PPP1R12B: variants seen among roughly 807,000 people sequenced by gnomAD.
PPP1R12B encodes protein phosphatase 1 regulatory subunit 12B.
PPP1R12B carries 76 observed loss-of-function variants against 126.1 expected under a neutral mutation model. The ratio of observed to expected loss-of-function variants is 0.60; its 90% CI spans 0.50 to 0.73. PPP1R12B has a LOEUF of 0.73. PPP1R12B is among the 30% of genes least tolerant of loss of function. PPP1R12B has a pLI of 0.00. For missense variants in PPP1R12B, 1,052 were observed against 1,205.1 expected (o/e 0.87, Z 1.88); for synonymous variants, 356 against 434.7 (o/e 0.82, Z 2.25).
At chr1:202,560,566 C>A (rs546919870) in intron 19 of PPP1R12B, among the ~76,000 whole-genome samples, 2 of 152,326 alleles carry the variant, frequency 1.3e-5, no homozygotes, top group East Asian at 3.9e-4. Flanking sequence ...AGAGGACACT[C>A]TCACGGCCAT....
In PPP1R12B at chr1:202,588,841, A is replaced by AGATAGATAGATAGATAGATAGAT. The variant is rs1558412481; in HGVS notation, c.*8282_*8304dup. 4 of 143,628 alleles carry AGATAGATAGATAGATAGATAGAT rather than the reference A, an allele frequency of 2.8e-5. No individual in the cohort carries two copies. Among genetic ancestry groups the AGATAGATAGATAGATAGATAGAT allele is most frequent in the Non-Finnish European group, 3.0e-5 (2 of 67,256 alleles). 8.9% of individuals were successfully genotyped at this position (143,628 alleles called of 1,614,324 possible). A position where few individuals can be genotyped will look rare whatever the true frequency, so the allele number is the denominator to read the frequency against. On this transcript the variant is annotated 3_prime_UTR_variant, in exon 24 of 24. Transcript: ENST00000608999. Reference sequence around the variant, plus strand: ...AGAACCGTAAGATAGATAGATAGATAGATAGATAGATAGATAGATAGATAG... The same window carrying AGATAGATAGATAGATAGATAGAT: ...AGAACCGTAAGATAGATAGATAGATAGATAGATAGATAGATAGATAGATGATAGATAGATAGATAGATAGATAG...
At chr1:202,464,572 G>A (rs1674743955) in intron 13 of PPP1R12B, among the ~76,000 whole-genome samples, 3 of 152,110 alleles carry the variant, frequency 2.0e-5, no homozygotes, top group Admixed American at 6.5e-5. Context: ...ACAGGTACAA[G>A]GTATAAAGCT....
intron 2 of PPP1R12B, among the ~76,000 whole-genome samples, chr1:202,418,081 T>C (rs918678204): frequency 6.6e-6 from 1 of 152,232 alleles, no homozygotes; most frequent in African/African-American, 2.4e-5. Context: ...TTCTTCACTC[T>C]TGATTCCTCC....
intron 18 of PPP1R12B, among the ~76,000 whole-genome samples, chr1:202,506,961 A>G (rs1303709666): frequency 6.6e-6 from 1 of 152,168 alleles, no homozygotes; most frequent in African/African-American, 2.4e-5. Flanking sequence ...ATATCCTAAA[A>G]TGCCCCATAT....
chr1:202,356,024 A>G (rs1657025410), intron 1 of PPP1R12B, among the ~76,000 whole-genome samples: 1 of 151,592 alleles, frequency 6.6e-6, no homozygotes, highest in South Asian at 2.1e-4. Flanking sequence ...TCCCCACCCA[A>G]AAAAAAATTA....
chr1:202,452,552 G>C (rs1405975481), intron 13 of PPP1R12B, among the ~76,000 whole-genome samples: 2 of 152,054 alleles, frequency 1.3e-5, no homozygotes, highest in Non-Finnish European at 2.9e-5. Context: ...AAGAGGGAGA[G>C]GGAGACCGTG....
chr1:202,426,945 G>A, intron 4 of PPP1R12B, 95 bp from the exon 5 acceptor site: 1 of 1,509,708 alleles, frequency 6.6e-7, no homozygotes, highest in Non-Finnish European at 8.8e-7. Context: ...TGTGGTTCAG[G>A]GCCAAAATCT....
At chr1:202,402,158 T>C (rs1421492381) in intron 1 of PPP1R12B, among the ~76,000 whole-genome samples, 1 of 152,228 alleles carries the variant, frequency 6.6e-6, no homozygotes, top group African/African-American at 2.4e-5. Flanking sequence ...GAATCTTGAG[T>C]CCTCTTTCAG....
chr1:202,381,978 G>A (rs1662353981), intron 1 of PPP1R12B, among the ~76,000 whole-genome samples: 2 of 152,130 alleles, frequency 1.3e-5, no homozygotes, highest in African/African-American at 4.8e-5. Flanking sequence ...GCACGCGTAT[G>A]TTTATTGCAG....
intron 1 of PPP1R12B, among the ~76,000 whole-genome samples, chr1:202,412,469 G>A (rs1393257695): frequency 6.6e-6 from 1 of 152,150 alleles, no homozygotes; most frequent in Non-Finnish European, 1.5e-5. Flanking sequence ...CTTATTTTAG[G>A]GCCTCTGGAA....
intron 18 of PPP1R12B, among the ~76,000 whole-genome samples, chr1:202,539,649 C>G (rs950311247): frequency 2.0e-5 from 3 of 152,190 alleles, no homozygotes; most frequent in African/African-American, 7.2e-5. Flanking sequence ...GGAAAGACAG[C>G]ATGATTTCCA....
chr1:202,349,974 T>C (rs924019426), intron 1 of PPP1R12B, among the ~76,000 whole-genome samples: 6 of 152,200 alleles, frequency 3.9e-5, no homozygotes, highest in African/African-American at 1.2e-4. Flanking sequence ...CATGACTAAC[T>C]ACCCCTCTCT....
chr1:202,483,301 A>G (rs1677654298), intron 13 of PPP1R12B, among the ~76,000 whole-genome samples: 2 of 106,606 alleles, frequency 1.9e-5, no homozygotes, highest in African/African-American at 3.4e-5. Flanking sequence ...TTTTTTTGAC[A>G]TGGAGTCTTG....
At position 202,493,257 on chromosome 1, in the gene PPP1R12B, A is replaced by T; in HGVS notation, c.2085A>T (p.Ala695=). 1 of 1,612,964 alleles carries T rather than the reference A, an allele frequency of 6.2e-7. No homozygotes were observed. Among genetic ancestry groups the T allele is most frequent in the Non-Finnish European group, 8.5e-7 (1 of 1,179,844 alleles). The change falls in exon 15 of 24, where the codon GCA becomes GCT. Residue 695 remains alanine, a synonymous_variant. Transcript: ENST00000608999. Reference sequence around the variant, plus strand: ...GCCCTGAGAAGCATGAGCCCTCAGCAGTTCCAGCAACAGAAGCTGGGGAGG... The same window carrying T: ...GCCCTGAGAAGCATGAGCCCTCAGCTGTTCCAGCAACAGAAGCTGGGGAGG... The part of the protein sequence containing the change: ...EGSPEKHEPS[A]VPATEAGEGQ...
chr1:202,403,957 T>A (rs1350610962), intron 1 of PPP1R12B, among the ~76,000 whole-genome samples: 2 of 152,200 alleles, frequency 1.3e-5, no homozygotes, highest in Non-Finnish European at 2.9e-5. Context: ...CCCCAGTGTC[T>A]TAGCTGCCAG....
chr1:202,569,265 G>T, intron 23 of PPP1R12B, 68 bp downstream of exon 23: 1 of 1,471,854 alleles, frequency 6.8e-7, no homozygotes, highest in East Asian at 2.3e-5. Flanking sequence ...GGATATTTGA[G>T]CATAGGCCTG....
chr1:202,435,302 G>A (rs1670670724), intron 9 of PPP1R12B, among the ~76,000 whole-genome samples: 1 of 151,590 alleles, frequency 6.6e-6, no homozygotes, highest in African/African-American at 2.4e-5. Flanking sequence ...TGGCTACCAT[G>A]TGTTAAGATA....
At chr1:202,381,698 A>G (rs191617979) in intron 1 of PPP1R12B, among the ~76,000 whole-genome samples, 11 of 152,348 alleles carry the variant, frequency 7.2e-5, no homozygotes, top group Non-Finnish European at 1.2e-4. Flanking sequence ...AGGAAAGGAT[A>G]TCTACAAATA....
At chr1:202,362,285 A>G (rs796286581) in intron 1 of PPP1R12B, among the ~76,000 whole-genome samples, 1 of 152,140 alleles carries the variant, frequency 6.6e-6, no homozygotes, top group Non-Finnish European at 1.5e-5. Context: ...CCTCCTTGAC[A>G]GTAGATAGCA....
Sources: gnomAD v4.1 joint callset for allele counts (sites outside exome capture counted in the v4.1 genomes callset) on GRCh38, gnomAD v4.1.1 for gene constraint, MANE v1.5 for transcripts, NCBI Gene and HGNC (gene_info 2026-07-23, HGNC 2026-07-21) for gene names.